The following BMPR1B variants were observed in gnomAD, a reference collection of about 807,000 sequenced individuals.
BMPR1B encodes bone morphogenetic protein receptor type 1B.
BMPR1B carries 12 observed loss-of-function variants against 59.1 expected under a neutral mutation model. The observed-to-expected ratio is 0.20, with a 90% CI of 0.13 to 0.33. The LOEUF is 0.33. Among genes scored for constraint, BMPR1B ranks in the 10% least tolerant of loss-of-function variants. The probability of loss-of-function intolerance (pLI) is 1.00; values close to 1 mark genes in which losing one functional copy is unlikely to be tolerated. For synonymous variants in BMPR1B, 237 were observed against 207.3 expected (o/e 1.14, Z -1.23); for missense variants, 550 against 610.9 (o/e 0.90, Z 1.05).
rs1732808199 is a variant in BMPR1B, at chr4:95,125,064, G to A, written c.528G>A (p.Leu176=). 6.2e-7 allele frequency: 1 copy of A among 1,613,690 alleles called. No homozygotes were observed. Among genetic ancestry groups the A allele is most frequent in the African/African-American group, 1.3e-5 (1 of 74,908 alleles). The change falls in exon 8 of 13, where the codon CTG becomes CTA. Residue 176 remains leucine (L), a synonymous_variant. Transcript: ENST00000515059. The part of the protein sequence containing the change: ...DETYIPPGES[L]RDLIEQSQSS... ...CTTACATTCCTCCTGGAGAATCCCT[G>A]AGAGACTTAATTGAGCAGTCTCAGA...
chr4:94,852,868 A>T (rs943398957), intron 1 of BMPR1B, among the ~76,000 whole-genome samples: 2 of 152,194 alleles, frequency 1.3e-5, no homozygotes, highest in East Asian at 3.8e-4. Context: ...TGGAAAGAAC[A>T]TTTCTTTGGG....
intron 1 of BMPR1B, among the ~76,000 whole-genome samples, chr4:94,837,165 T>TGTAGTA (rs1724856510): frequency 2.0e-5 from 3 of 146,734 alleles, no homozygotes. Context: ...ACTGTAGCCT[T>TGTAGTA]GTAGTATAGT....
At chr4:94,944,500 T>C (rs1729633553) in intron 2 of BMPR1B, among the ~76,000 whole-genome samples, 1 of 152,208 alleles carries the variant, frequency 6.6e-6, no homozygotes, top group Non-Finnish European at 1.5e-5. Context: ...CTGGAGAACA[T>C]GATTCAATTC....
chr4:94,795,322 T>G (rs13115538), intron 1 of BMPR1B, among the ~76,000 whole-genome samples: 46,571 of 148,734 alleles, frequency 0.31, 7,777 homozygotes, highest in African/African-American at 0.44. Flanking sequence ...TGGATTACAT[T>G]TATTGATTTG....
intron 2 of BMPR1B, among the ~76,000 whole-genome samples, chr4:94,978,921 G>A (rs1731128960): frequency 2.0e-5 from 3 of 150,502 alleles, no homozygotes; most frequent in Admixed American, 1.3e-4. Flanking sequence ...CTTACATGGT[G>A]GCAGAGCAAG....
chr4:94,922,284 T>G (rs1453100973), intron 2 of BMPR1B, among the ~76,000 whole-genome samples: 2 of 152,076 alleles, frequency 1.3e-5, no homozygotes, highest in African/African-American at 4.8e-5. Context: ...CTAGCACTTT[T>G]CTTATATGTG....
intron 2 of BMPR1B, among the ~76,000 whole-genome samples, chr4:94,963,797 A>AT (rs765205884): frequency 1.5e-4 from 22 of 151,434 alleles, no homozygotes; most frequent in East Asian, 9.7e-4. Context: ...TTCTTTTTGG[A>AT]TTTTTTTCGC....
intron 1 of BMPR1B, among the ~76,000 whole-genome samples, chr4:94,762,194 C>G (rs1022523593): frequency 8.5e-5 from 13 of 152,050 alleles, no homozygotes; most frequent in African/African-American, 3.1e-4. Flanking sequence ...AATGCCTACT[C>G]TGTGTGTGGC....
chr4:95,042,897 C>T (rs1228134504), intron 3 of BMPR1B, among the ~76,000 whole-genome samples: 1 of 151,934 alleles, frequency 6.6e-6, no homozygotes, highest in East Asian at 1.9e-4. Flanking sequence ...TTACCTCGGC[C>T]GGGCGCGGTG....
chr4:95,094,526 A>G lies in BMPR1B; in HGVS notation c.-17-9882A>G, dbSNP rs182892769. ...AATAGTAAGAGTCAGCAGCACATAA[A>G]ACAACAATTTATTATTATTGACAAT... On this transcript the variant is annotated intron_variant, in intron 3 of 12. Transcript: ENST00000515059. 6.0e-4 allele frequency among the ~76,000 whole-genome samples: 92 copies of G among 152,184 alleles called. 2 individuals carry two copies. The highest frequency in any genetic ancestry group is 6.0e-3 in the East Asian group (31 of 5,174).
At chr4:94,778,359 A>G (rs1722462572) in intron 1 of BMPR1B, among the ~76,000 whole-genome samples, 1 of 152,144 alleles carries the variant, frequency 6.6e-6, no homozygotes, top group Admixed American at 6.5e-5. Context: ...CCTGTGTTTT[A>G]CTTTTCCCTT....
intron 1 of BMPR1B, among the ~76,000 whole-genome samples, chr4:94,860,954 A>C (rs903036314): frequency 6.9e-6 from 1 of 144,202 alleles, no homozygotes; most frequent in Admixed American, 6.8e-5. Flanking sequence ...TATAGTCTTG[A>C]GGTAGTATAG....
At chr4:95,070,254 C>T (rs572355685) in intron 3 of BMPR1B, among the ~76,000 whole-genome samples, 205 of 152,244 alleles carry the variant, frequency 1.3e-3, no homozygotes, top group African/African-American at 4.9e-3. Flanking sequence ...CTCCTTTTGG[C>T]ATCTTCTTAA....
chr4:94,962,472 T>C (rs1469776442), intron 2 of BMPR1B, among the ~76,000 whole-genome samples: 1 of 152,048 alleles, frequency 6.6e-6, no homozygotes, highest in African/African-American at 2.4e-5. Flanking sequence ...CATCTCTTAA[T>C]TTTTTCTCTC....
At chr4:95,132,926 T>C (rs1579134033) in intron 10 of BMPR1B, among the ~76,000 whole-genome samples, 1 of 152,196 alleles carries the variant, frequency 6.6e-6, no homozygotes, top group Non-Finnish European at 1.5e-5. Context: ...GTTTTCTTGG[T>C]GTATCTCTGT....
At chr4:94,767,869 C>T (rs1453343825) in intron 1 of BMPR1B, among the ~76,000 whole-genome samples, 3 of 152,006 alleles carry the variant, frequency 2.0e-5, no homozygotes, top group African/African-American at 7.2e-5. Context: ...TATTCTTCCT[C>T]CTCAAATATA....
chr4:95,026,158 C>CTTTCTTTCT (rs1260196018), intron 3 of BMPR1B, among the ~76,000 whole-genome samples: 2 of 146,704 alleles, frequency 1.4e-5, no homozygotes, highest in Non-Finnish European at 3.0e-5. Flanking sequence ...TTCTTTCTTT[C>CTTTCTTTCT]TTTCTCTTTT....
chr4:95,112,154 C>A (rs891785218), intron 4 of BMPR1B, among the ~76,000 whole-genome samples: 5 of 152,206 alleles, frequency 3.3e-5, no homozygotes, highest in African/African-American at 1.2e-4. Flanking sequence ...TTCCCTGATT[C>A]ATCCTATGTT....
At chr4:95,051,970 T>A (rs1210158183) in intron 3 of BMPR1B, among the ~76,000 whole-genome samples, 2 of 152,218 alleles carry the variant, frequency 1.3e-5, no homozygotes, top group Non-Finnish European at 2.9e-5. Context: ...GTTAGAATAA[T>A]TTTAAAGAGA....
Sources: gnomAD v4.1 joint callset for allele counts (sites outside exome capture counted in the v4.1 genomes callset) on GRCh38, gnomAD v4.1.1 for gene constraint, MANE v1.5 for transcripts, NCBI Gene and HGNC (gene_info 2026-07-23, HGNC 2026-07-21) for gene names.